The following LRIG1 variants were observed in gnomAD, a reference collection of about 807,000 sequenced individuals.
The protein encoded by LRIG1 is leucine rich repeats and immunoglobulin like domains 1.
LRIG1 carries 48 observed loss-of-function variants against 99.2 expected under a neutral mutation model. That is an observed-to-expected ratio of 0.48 (90% CI 0.38 to 0.62). The LOEUF is 0.62. Ranked by LOEUF, LRIG1 falls within the 20% of genes least tolerant of loss-of-function variation. The probability of loss-of-function intolerance (pLI) is 0.00; values close to 1 mark genes in which losing one functional copy is unlikely to be tolerated. For missense variants in LRIG1, 1,646 were observed against 1,434.4 expected (o/e 1.15, Z -2.38); for synonymous variants, 772 against 596.1 (o/e 1.29, Z -4.30).
rs563668067 is a variant in LRIG1, at chr3:66,500,371, G to C, written c.37C>G (p.Arg13Gly). 6.8e-7 allele frequency: 1 copy of C among 1,479,638 alleles called. No individual in the cohort carries two copies. Among genetic ancestry groups the C allele is most frequent in the African/African-American group, 1.4e-5 (1 of 69,196 alleles). The allele number at this position is 1,479,638 out of a possible 1,614,324, so 91.7% of individuals were successfully genotyped here. ...AGAAGGAGAAGGCAAGGCGAGCGGC[G>C]CGGGGCCCCGAGCCCTCCCCGGACC... ...RPVRGGLGAP[R>G]RSPCLLLLWL... The change falls in exon 1 of 19, where the codon CGC (arginine) becomes GGC (glycine). Residue 13 changes from arginine to glycine, a missense_variant. Coordinates refer to ENST00000273261, the MANE Select transcript of LRIG1 (RefSeq NM_015541.3).
intron 3 of LRIG1, among the ~76,000 whole-genome samples, chr3:66,420,388 G>A (rs753088051): frequency 5.3e-5 from 8 of 152,212 alleles, no homozygotes; most frequent in Non-Finnish European, 7.3e-5. Context: ...TGGTGCACCT[G>A]CAGAAGAAGA....
intron 1 of LRIG1, among the ~76,000 whole-genome samples, chr3:66,470,539 G>A (rs573263905): frequency 6.6e-5 from 10 of 152,310 alleles, no homozygotes; most frequent in African/African-American, 1.9e-4. Flanking sequence ...TTACAGCAAA[G>A]TTGAGAAGAA....
At chr3:66,464,685 G>A (rs1354360411) in intron 1 of LRIG1, among the ~76,000 whole-genome samples, 3 of 152,036 alleles carry the variant, frequency 2.0e-5, no homozygotes, top group Admixed American at 6.5e-5. Flanking sequence ...CAGGTCTTAC[G>A]CAATTAAACT....
At chr3:66,398,787 A>C (rs1701948311) in intron 10 of LRIG1, among the ~76,000 whole-genome samples, 183 bp downstream of exon 10, 1 of 152,366 alleles carries the variant, frequency 6.6e-6, no homozygotes, top group Non-Finnish European at 1.5e-5. Context: ...ATGTTCTGTA[A>C]CTGTTCCTGG....
Position 66,381,414 on chromosome 3 carries a change from G to A in LRIG1, c.2770+65C>T, listed in dbSNP as rs890490909. 7.2e-6 allele frequency: 11 copies of A among 1,520,270 alleles called. No homozygotes were observed. In the African/African-American group the frequency reaches 1.5e-4, roughly 21 times the overall value. The allele number at this position is 1,520,270 out of a possible 1,614,324, so 94.2% of individuals were successfully genotyped here. A position where few individuals can be genotyped will look rare whatever the true frequency, so the allele number is the denominator to read the frequency against. On this transcript the variant is annotated intron_variant, in intron 17 of 18. Transcript: ENST00000273261. ...GGAATGTGTCTCCCCCTTTGATGTA[G>A]TGACTAGGTCAGCCCAAATTTCCAT...
At chr3:66,471,525 C>T (rs1700595250) in intron 1 of LRIG1, among the ~76,000 whole-genome samples, 3 of 152,202 alleles carry the variant, frequency 2.0e-5, no homozygotes, top group African/African-American at 7.2e-5. Context: ...CAGCCTAGGG[C>T]CCCAGCCGCT....
intron 1 of LRIG1, among the ~76,000 whole-genome samples, chr3:66,462,862 C>T (rs1201990135): frequency 2.0e-5 from 3 of 152,100 alleles, no homozygotes; most frequent in South Asian, 2.1e-4. Context: ...CTATTCTTAA[C>T]GGCATTTTTT....
rs1298527393 is a variant in LRIG1, at chr3:66,500,630, A to T, written c.-223T>A. 1 of 312,498 alleles carries T rather than the reference A, an allele frequency of 3.2e-6. No individual in the cohort carries two copies. The highest frequency in any genetic ancestry group is 5.8e-6 in the Non-Finnish European group (1 of 172,326). 19.4% of individuals were successfully genotyped at this position (312,498 alleles called of 1,614,324 possible). Reference sequence around the variant, plus strand: ...GGCGGGGGCCGCAAACCCCGCGCCCATCCGGGCCGGCCGGCCCGCCCGCGC... The same window carrying T: ...GGCGGGGGCCGCAAACCCCGCGCCCTTCCGGGCCGGCCGGCCCGCCCGCGC... On this transcript the variant is annotated 5_prime_UTR_variant, in exon 1 of 19. The change abolishes an upstream ATG in the 5' untranslated region. Coordinates refer to ENST00000273261, the MANE Select transcript of LRIG1 (RefSeq NM_015541.3).
At chr3:66,400,126 C>T (rs1024855105) in intron 9 of LRIG1, among the ~76,000 whole-genome samples, 1 of 152,250 alleles carries the variant, frequency 6.6e-6, no homozygotes, top group South Asian at 2.1e-4. Flanking sequence ...CCAGGCAACT[C>T]TGATCCCAGC....
rs138156364 is a variant in LRIG1 at position 66,380,398 on chromosome 3, G to A, written c.3147C>T (p.Arg1049=). ...ASSLTSGSPE[R]AEAQYLLVSN... ...AAACAAGCAAGTACTGGGCTTCCGC[G>A]CGCTCTGGACTGCCTGAAGTTAATG... Residue 1049 remains arginine (R), a synonymous_variant, in exon 19 of 19, where the codon CGC becomes CGT. Transcript: ENST00000273261. The A allele has an allele frequency of 4.1e-5, 66 of 1,614,126 alleles. No individual in the cohort carries two copies. The highest frequency in any genetic ancestry group is 3.9e-4 in the African/African-American group (29 of 75,040).
intron 1 of LRIG1, among the ~76,000 whole-genome samples, chr3:66,466,381 G>GT (rs764519278): frequency 1.3e-4 from 20 of 152,148 alleles, no homozygotes; most frequent in Non-Finnish European, 2.6e-4. Context: ...ATATTCCCAT[G>GT]TATGTATATA....
chr3:66,391,774 A>T (rs368117270), intron 12 of LRIG1, among the ~76,000 whole-genome samples: 1 of 152,200 alleles, frequency 6.6e-6, no homozygotes, highest in Non-Finnish European at 1.5e-5. Context: ...TATATAAATT[A>T]TATTTCTTTT....
chr3:66,466,602 G>A (rs942851944), intron 1 of LRIG1, among the ~76,000 whole-genome samples: 8 of 152,272 alleles, frequency 5.3e-5, no homozygotes, highest in African/African-American at 1.4e-4. Context: ...AGCAAGCAGC[G>A]TGAATTCCCA....
intron 3 of LRIG1, among the ~76,000 whole-genome samples, chr3:66,427,840 C>T (rs1417609902): frequency 6.6e-6 from 1 of 152,200 alleles, no homozygotes; most frequent in Non-Finnish European, 1.5e-5. Context: ...CTACCACCCA[C>T]AATTAATTCT....
At chr3:66,436,968 C>T (rs1703381491) in intron 3 of LRIG1, among the ~76,000 whole-genome samples, 1 of 152,178 alleles carries the variant, frequency 6.6e-6, no homozygotes, top group South Asian at 2.1e-4. Flanking sequence ...AAGGTGCTCA[C>T]CTTCAACTCT....
At chr3:66,405,849 T>G in intron 8 of LRIG1, 1 of 1,114,474 alleles carries the variant, frequency 9.0e-7, no homozygotes, top group African/African-American at 1.7e-5. Context: ...GAGTCAGACT[T>G]GTGACCCACT....
rs116173482 is a variant in LRIG1 at position 66,449,396 on chromosome 3, A to G, written c.365+2163T>C. ...GCCAAAGAGCTGGCTGCCAGTGCTA[A>G]CCTGCATTTTCCAAACTGAATCCAA... On this transcript the variant is annotated intron_variant, in intron 3 of 18. Transcript: ENST00000273261. Among the ~76,000 whole-genome samples, 481 of 152,312 alleles carry G rather than the reference A, an allele frequency of 3.2e-3. 2 individuals are homozygous for G. Among genetic ancestry groups the G allele is most frequent in the African/African-American group, 0.01 (431 of 41,578 alleles).
intron 1 of LRIG1, among the ~76,000 whole-genome samples, chr3:66,483,494 G>A (rs1254821747): frequency 6.6e-6 from 1 of 152,248 alleles, no homozygotes; most frequent in African/African-American, 2.4e-5. Context: ...AGCTCCCTCT[G>A]GTCAAGGAAA....
At chr3:66,418,391 C>A (rs1702690503) in intron 3 of LRIG1, among the ~76,000 whole-genome samples, 1 of 152,232 alleles carries the variant, frequency 6.6e-6, no homozygotes, top group Admixed American at 6.5e-5. Context: ...CCACAGCTGG[C>A]CTGTGCGCAC....
Sources: gnomAD v4.1 joint callset for allele counts (sites outside exome capture counted in the v4.1 genomes callset) on GRCh38, gnomAD v4.1.1 for gene constraint, MANE v1.5 for transcripts, NCBI Gene and HGNC (gene_info 2026-07-23, HGNC 2026-07-21) for gene names.